RAB28: variants seen among roughly 807,000 people sequenced by gnomAD.
RAB28 encodes the protein ras-related protein Rab-28.
Under a neutral mutation model 31.7 loss-of-function variants are expected in RAB28, and 24 were observed. The observed-to-expected ratio is 0.76, with a 90% CI of 0.55 to 1.06. The LOEUF (loss-of-function observed/expected upper bound fraction) is 1.06. Among genes scored for constraint, RAB28 ranks in the 50% least tolerant of loss-of-function variants. The pLI, the probability that RAB28 is intolerant of heterozygous loss-of-function variation, is 0.00. For missense variants in RAB28, 254 were observed against 258.5 expected, an observed-to-expected ratio of 0.98 and a Z score of 0.12; for synonymous variants, 100 against 90.4, an observed-to-expected ratio of 1.11 and a Z score of -0.60.
At chr4:13,464,000 G>A (rs1490004319) in intron 3 of RAB28, among the ~76,000 whole-genome samples, 3 of 152,020 alleles carry the variant, frequency 2.0e-5, no homozygotes, top group Non-Finnish European at 1.5e-5. Context: ...ATATTGCAAG[G>A]CAAATCATCA....
intron 4 of RAB28, among the ~76,000 whole-genome samples, chr4:13,430,509 T>A (rs16888652): frequency 0.056 from 8,526 of 152,232 alleles, 547 homozygotes; most frequent in African/African-American, 0.16. Context: ...TTTGTCCTCA[T>A]GACCCAGGGC....
At chr4:13,467,153 C>T (rs1715894394) in intron 3 of RAB28, among the ~76,000 whole-genome samples, 1 of 151,608 alleles carries the variant, frequency 6.6e-6, no homozygotes. Flanking sequence ...TTCAAAATTG[C>T]TAAAAGACTA....
chr4:13,404,100 C>G (rs1711930866), intron 4 of RAB28, among the ~76,000 whole-genome samples: 1 of 152,140 alleles, frequency 6.6e-6, no homozygotes. Context: ...ATCTTCTTGG[C>G]CGGGCCAGTA....
At chr4:13,404,149 C>T (rs895522548) in intron 4 of RAB28, among the ~76,000 whole-genome samples, 2 of 152,138 alleles carry the variant, frequency 1.3e-5, no homozygotes, top group Admixed American at 6.5e-5. Flanking sequence ...GAGGCCAAGG[C>T]GGGAGGATCA....
At chr4:13,482,390 T>A (rs1399120540) in intron 1 of RAB28, among the ~76,000 whole-genome samples, 2 of 148,494 alleles carry the variant, frequency 1.3e-5, no homozygotes, top group Admixed American at 1.3e-4. Context: ...TATGATAGCA[T>A]ATAGGATAAC....
intron 4 of RAB28, among the ~76,000 whole-genome samples, chr4:13,397,555 C>T (rs1729921365): frequency 3.3e-5 from 5 of 152,026 alleles, no homozygotes; most frequent in Admixed American, 3.3e-4. Context: ...AAAAGTCCTA[C>T]TAAAATTATA....
At chr4:13,478,275 T>C (rs1463524928) in intron 2 of RAB28, among the ~76,000 whole-genome samples, 1 of 151,672 alleles carries the variant, frequency 6.6e-6, no homozygotes, top group Non-Finnish European at 1.5e-5. Context: ...AAAGTACGCA[T>C]ATGTTTCTCC....
At chr4:13,477,019 G>C (rs1273841766) in intron 2 of RAB28, among the ~76,000 whole-genome samples, 1 of 151,364 alleles carries the variant, frequency 6.6e-6, no homozygotes, top group Non-Finnish European at 1.5e-5. Context: ...AGTCAAGATG[G>C]AACTAAAAAC....
At chr4:13,431,041 CT>C (rs1167159096) in intron 4 of RAB28, among the ~76,000 whole-genome samples, 1 of 152,208 alleles carries the variant, frequency 6.6e-6, no homozygotes, top group African/African-American at 2.4e-5. Flanking sequence ...AAGAAAGTGT[CT>C]TTTGTGCTTT....
At chr4:13,435,478 G>A (rs891841254) in intron 4 of RAB28, among the ~76,000 whole-genome samples, 1 of 151,964 alleles carries the variant, frequency 6.6e-6, no homozygotes, top group African/African-American at 2.4e-5. Flanking sequence ...CTGATAGACT[G>A]CCAGATAAAT....
At chr4:13,387,198 C>G (rs1729410557) in intron 4 of RAB28, among the ~76,000 whole-genome samples, 1 of 151,936 alleles carries the variant, frequency 6.6e-6, no homozygotes, top group Non-Finnish European at 1.5e-5. Flanking sequence ...TCTCATGACA[C>G]AAGTGTAACT....
At chr4:13,413,907 A>G (rs971919713) in intron 4 of RAB28, among the ~76,000 whole-genome samples, 1 of 152,214 alleles carries the variant, frequency 6.6e-6, no homozygotes, top group Non-Finnish European at 1.5e-5. Context: ...GCCAGCATCT[A>G]GTCTTTCTCA....
intron 4 of RAB28, chr4:13,459,951 T>A: frequency 7.9e-7 from 1 of 1,263,104 alleles, no homozygotes; most frequent in Non-Finnish European, 1.0e-6. Context: ...ACACACACTG[T>A]CAGAACTAAA....
chr4:13,459,745 C>T (rs955721580), intron 4 of RAB28: 11 of 1,054,142 alleles, frequency 1.0e-5, no homozygotes, highest in South Asian at 2.7e-5. Context: ...TTATAAGAGA[C>T]AGGAGCAAGA....
chr4:13,450,224 A>G (rs557286587), intron 4 of RAB28, among the ~76,000 whole-genome samples: 1 of 151,892 alleles, frequency 6.6e-6, no homozygotes, highest in Admixed American at 6.6e-5. Context: ...GATTTCTAAC[A>G]TATATGTAAA....
chr4:13,376,880 A>T (rs1204605146), intron 5 of RAB28, among the ~76,000 whole-genome samples: 1 of 152,218 alleles, frequency 6.6e-6, no homozygotes, highest in Admixed American at 6.5e-5. Context: ...TGAAAGATTT[A>T]ACATGATGAT....
chr4:13,389,111 A>C (rs1560272499), intron 4 of RAB28, among the ~76,000 whole-genome samples: 1 of 152,164 alleles, frequency 6.6e-6, no homozygotes, highest in South Asian at 2.1e-4. Flanking sequence ...TATACAATGG[A>C]ATATTATTCA....
At chr4:13,446,710 T>C (rs531648473) in intron 4 of RAB28, among the ~76,000 whole-genome samples, 34 of 152,004 alleles carry the variant, frequency 2.2e-4, no homozygotes, top group Non-Finnish European at 4.1e-4. Flanking sequence ...TGAGATGAAC[T>C]GGTACCTCAG....
chr4:13,434,466 T>C (rs1446319693), intron 4 of RAB28, among the ~76,000 whole-genome samples: 1 of 152,084 alleles, frequency 6.6e-6, no homozygotes, highest in Non-Finnish European at 1.5e-5. Context: ...GACAGAAAAC[T>C]ATACAACAGT....
Sources: allele counts gnomAD v4.1 joint callset (sites outside exome capture counted in the v4.1 genomes callset), GRCh38; gene constraint gnomAD v4.1.1; transcripts MANE v1.5; gene names NCBI Gene and HGNC (gene_info 2026-07-23, HGNC 2026-07-21).